Variants in ARAP1 observed in about 807,000 individuals in gnomAD.
ARAP1 encodes ArfGAP with RhoGAP domain, ankyrin repeat and PH domain 1, also known as arf-GAP with Rho-GAP domain, ANK repeat and PH domain-containing protein 1.
In ARAP1, 76 loss-of-function variants were observed where a neutral mutation model predicts 172.2. The observed-to-expected ratio is 0.44, with a 90% CI of 0.37 to 0.53. The LOEUF is 0.53. ARAP1 is among the 20% of genes least tolerant of loss of function. The probability of loss-of-function intolerance (pLI) is 0.00; values close to 1 mark genes in which losing one functional copy is unlikely to be tolerated. For synonymous variants in ARAP1, 804 were observed against 803.3 expected, an observed-to-expected ratio of 1.00 and a Z score of -0.01; for missense variants, 1,686 against 1,977.5, an observed-to-expected ratio of 0.85 and a Z score of 2.80.
Position 72,710,879 on chromosome 11 carries a change from C to T in ARAP1, c.1213+142G>A. The T allele has an allele frequency of 6.7e-7, 1 of 1,501,374 alleles. No homozygotes were observed. The highest frequency in any genetic ancestry group is 9.1e-7 in the Non-Finnish European group (1 of 1,104,472). 93.0% of individuals were successfully genotyped at this position (1,501,374 alleles called of 1,614,324 possible). ...TCACAGAGGGTGCCCCCTTCCTCTG[C>T]CCACCTCACAAAGGCAGCATGCCTC... On this transcript the variant is annotated intron_variant, in intron 9 of 34. Transcript: ENST00000393609. The surrounding 1 kb of genome is among the most constrained non-coding windows in gnomAD (Gnocchi z 4.3).
chr11:72,734,124 C>G (rs1423217313), intron 1 of ARAP1, among the ~76,000 whole-genome samples: 1 of 151,954 alleles, frequency 6.6e-6, no homozygotes, highest in Non-Finnish European at 1.5e-5. Flanking sequence ...CCACACCTTG[C>G]CTTATTTTAT....
rs530543157 is a variant in ARAP1, at chr11:72,713,050, T to C, written c.747+126A>G. 2.1e-5 allele frequency: 21 copies of C among 985,172 alleles called. No individual in the cohort carries two copies. In the South Asian group the frequency reaches 2.8e-4, roughly 13 times the overall value. 61.0% of individuals were successfully genotyped at this position (985,172 alleles called of 1,614,324 possible). On this transcript the variant is annotated intron_variant, in intron 5 of 34. Coordinates refer to ENST00000393609, the MANE Select transcript of ARAP1 (RefSeq NM_001040118.3). The stretch of plus-strand genomic sequence containing the variant: ...ACCCCCGTATGGCAAGAGAGTGAGG[T>C]GGGGGAAGGGGAAGCCTCCCGGGAA...
Position 72,712,485 on chromosome 11 carries a change from G to A in ARAP1, c.831C>T (p.Asp277=). The A allele has an allele frequency of 1.9e-6, 3 of 1,610,044 alleles. No homozygotes were observed. The highest frequency in any genetic ancestry group is 2.5e-6 in the Non-Finnish European group (3 of 1,177,060). The change falls in exon 6 of 35, where the codon GAC becomes GAT. Residue 277 remains aspartate, a synonymous_variant. Coordinates refer to ENST00000393609, the MANE Select transcript of ARAP1 (RefSeq NM_001040118.3). ...LSEGEELSGD[D]QGDEEEDDHA... ...GGTCATCCTCTTCCTCATCCCCTTG[G>A]TCGTCCCCAGACAGTTCCTCTCCCT...
chr11:72,701,797 G>A lies in ARAP1; in HGVS notation c.2168-14C>T, dbSNP rs1046650580. ...GCCGAGGCACCTCTTTGTAGGCGGG[G>A]AAAGGATGGCAGGTCATGCTGGCCA... On this transcript the variant is annotated splice_polypyrimidine_tract_variant and intron_variant, in intron 15 of 34. Coordinates refer to ENST00000393609, the MANE Select transcript of ARAP1 (RefSeq NM_001040118.3). 28 of 1,612,410 alleles carry A rather than the reference G, an allele frequency of 1.7e-5. No individual in the cohort carries two copies. Among genetic ancestry groups the A allele is most frequent in the Admixed American group, 6.7e-5 (4 of 59,884 alleles).
At chr11:72,713,092 T>C (rs1213789152) in intron 5 of ARAP1, 84 bp downstream of exon 5, 1 of 1,405,988 alleles carries the variant, frequency 7.1e-7, no homozygotes, top group Non-Finnish European at 9.9e-7. Context: ...GCCCACTCTC[T>C]GTCTGGTAGT....
At chr11:72,714,929 C>T (rs1006074414) in intron 3 of ARAP1, among the ~76,000 whole-genome samples, 4 of 152,206 alleles carry the variant, frequency 2.6e-5, no homozygotes, top group African/African-American at 9.7e-5. Context: ...CACTCACTCA[C>T]CTCTGCTACC....
At chr11:72,704,965 T>G (rs868847076) in intron 13 of ARAP1, 1 of 152,706 alleles carries the variant, frequency 6.5e-6, no homozygotes, top group African/African-American at 2.4e-5. Context: ...TTCCAGCAAG[T>G]TATTTTCTCT....
At chr11:72,750,622 C>T (rs1321990757) in intron 1 of ARAP1, among the ~76,000 whole-genome samples, 1 of 152,204 alleles carries the variant, frequency 6.6e-6, no homozygotes, top group Admixed American at 6.5e-5. Context: ...TGACTATTGC[C>T]CCAGCACCGT....
chr11:72,730,217 C>T (rs1013653303), intron 2 of ARAP1, among the ~76,000 whole-genome samples: 9 of 152,050 alleles, frequency 5.9e-5, no homozygotes, highest in African/African-American at 2.2e-4. Flanking sequence ...AAAAAATTTA[C>T]AAAAAGGAAA....
rs533277369 is a variant in ARAP1 at position 72,700,953 on chromosome 11, G to A, written c.2302+696C>T. Among the ~76,000 whole-genome samples, 22 of 152,288 alleles carry A rather than the reference G, an allele frequency of 1.4e-4. No individual in the cohort carries two copies. The East Asian group carries it at 3.9e-3, about 27-fold the overall frequency. On this transcript the variant is annotated intron_variant, in intron 16 of 34. Transcript: ENST00000393609. ...GCAGAGGTTGCGGTGAGCCAAGATCGCGCCATTGCACTCCAGCCTGGGCAA... is the reference window on the plus strand; with the variant it reads ...GCAGAGGTTGCGGTGAGCCAAGATCACGCCATTGCACTCCAGCCTGGGCAA...
rs1371153895 is a variant in ARAP1 at position 72,707,306 on chromosome 11, G to A, written c.1592C>T (p.Ala531Val). The change falls in exon 12 of 35, where the codon GCC (alanine) becomes GTC (valine). Residue 531 changes from alanine (A) to valine (V), a missense_variant. By Grantham distance (64) the Ala-to-Val change is moderately conservative. Around this residue, in one of 5 missense-constraint regions of ARAP1, gnomAD observed 688 missense variants for 856.9 expected, o/e 0.80. Coordinates refer to ENST00000393609, the MANE Select transcript of ARAP1 (RefSeq NM_001040118.3). Reference protein sequence around the residue: ...LEAMQGAIAEALSTSEVAERI... With the variant: ...LEAMQGAIAEVLSTSEVAERI... ...CTCGGCCACCTCCGAGGTAGACAGG[G>A]CCTCAGCGATGGCTCCCTGCATGGC... The A allele has an allele frequency of 6.2e-7, 1 of 1,613,766 alleles. No individual in the cohort carries two copies. The highest frequency in any genetic ancestry group is 1.1e-5 in the South Asian group (1 of 91,042).
chr11:72,726,494 C>A lies in ARAP1; in HGVS notation c.509+126G>T. The A allele has an allele frequency of 7.9e-7, 1 of 1,272,330 alleles. No individual in the cohort carries two copies. The highest frequency in any genetic ancestry group is 1.1e-6 in the Non-Finnish European group (1 of 950,486). 78.8% of individuals were successfully genotyped at this position (1,272,330 alleles called of 1,614,324 possible). The stretch of plus-strand genomic sequence containing the variant: ...CAGCAATCCTGTCCTCCGAGCTTTG[C>A]ACACGCTGTTCCCCCTGCACTTCCG... On this transcript the variant is annotated intron_variant, in intron 3 of 34. Coordinates refer to ENST00000393609, the MANE Select transcript of ARAP1 (RefSeq NM_001040118.3). This position sits in a 1 kb window ranked among gnomAD's most constrained non-coding sequence, Gnocchi z 6.5.
At chr11:72,692,048 GTTGCAC>G (rs1855955490) in intron 30 of ARAP1, among the ~76,000 whole-genome samples, 1 of 152,190 alleles carries the variant, frequency 6.6e-6, no homozygotes, top group Admixed American at 6.5e-5. Flanking sequence ...TTCACCTCCT[GTTGCAC>G]GGCCCTGTTC....
intron 13 of ARAP1, 54 bp from the exon 14 acceptor site, chr11:72,704,388 C>G: frequency 6.7e-7 from 1 of 1,481,920 alleles, no homozygotes; most frequent in Non-Finnish European, 9.0e-7. Flanking sequence ...GGGGCCGTGC[C>G]GGGCAGAAAC....
Position 72,699,039 on chromosome 11 carries a change from T to C in ARAP1, c.2507A>G (p.Glu836Gly), listed in dbSNP as rs548407149. 56 of 1,614,080 alleles carry C rather than the reference T, an allele frequency of 3.5e-5. No homozygotes were observed. In the East Asian group the frequency reaches 1.1e-3, roughly 32 times the overall value. ...ACACTTGACCCACTCATGAGCCTGC[T>C]CCGCACTCTCCAGCCCAAACAGGTA... ...RLYLFGLESA[E>G]QAHEWVKCIA... Residue 836 changes from glutamate (E) to glycine (G), a missense_variant, in exon 18 of 35, where the codon GAG becomes GGG. By Grantham distance (98) the Glu-to-Gly change is moderately conservative. This residue lies in a region of ARAP1 where 688 missense variants were observed against 856.9 expected (regional missense o/e 0.80). Transcript: ENST00000393609. The surrounding 1 kb of genome is among the most constrained non-coding windows in gnomAD (Gnocchi z 4.2).
intron 1 of ARAP1, among the ~76,000 whole-genome samples, chr11:72,734,693 TAAG>T (rs1258656232): frequency 6.6e-6 from 1 of 152,084 alleles, no homozygotes; most frequent in Non-Finnish European, 1.5e-5. Context: ...GCCACACACC[TAAG>T]AAGGAGGCAG....
At position 72,685,222 on chromosome 11, in the gene ARAP1, A is replaced by C. The variant is rs1320229481; in HGVS notation, c.*442T>G. On this transcript the variant is annotated 3_prime_UTR_variant, in exon 35 of 35. Coordinates refer to ENST00000393609, the MANE Select transcript of ARAP1 (RefSeq NM_001040118.3). ...TCAGCCCTGTAGAAGCTCAGCCAAG[A>C]GCTCCCTCCCCGTGAGCTGAGTGCT... 1 of 182,012 alleles carries C rather than the reference A, an allele frequency of 5.5e-6. No individual in the cohort carries two copies. Among genetic ancestry groups the C allele is most frequent in the African/African-American group, 2.4e-5 (1 of 41,976 alleles). The allele number at this position is 182,012 out of a possible 1,614,324, so 11.3% of individuals were successfully genotyped here.
In ARAP1 at chr11:72,725,733, T is replaced by C. The variant is rs1248710241; in HGVS notation, c.509+887A>G. On this transcript the variant is annotated intron_variant, in intron 3 of 34. Transcript: ENST00000393609. This position sits in a 1 kb window ranked among gnomAD's most constrained non-coding sequence, Gnocchi z 4.3. ...CAGTACACAAATCTCCCAGAAGGTC[T>C]GCTGCAGGGATCATGGAGACCATAG... Among the ~76,000 whole-genome samples, 1 of 152,134 alleles carries C rather than the reference T, an allele frequency of 6.6e-6. No individual in the cohort carries two copies. Among genetic ancestry groups the C allele is most frequent in the South Asian group, 2.1e-4 (1 of 4,836 alleles).
intron 5 of ARAP1, 56 bp downstream of exon 5, chr11:72,713,120 C>T: frequency 1.3e-6 from 2 of 1,569,676 alleles, no homozygotes; most frequent in South Asian, 2.2e-5. Flanking sequence ...GTCTGACAGG[C>T]AGCTGGGCAC....
Sources: allele counts gnomAD v4.1 joint callset (sites outside exome capture counted in the v4.1 genomes callset), GRCh38; gene constraint gnomAD v4.1.1; regional missense constraint gnomAD v4.1.1; non-coding constraint Gnocchi (gnomAD v3.1); transcripts MANE v1.5; gene names NCBI Gene and HGNC (gene_info 2026-07-23, HGNC 2026-07-21).